ZNF33B: variants seen among roughly 807,000 people sequenced by gnomAD.
ZNF33B encodes the protein zinc finger protein 33B, also known as zinc finger protein 11b (KOX 2).
In ZNF33B, 29 loss-of-function variants were observed where a neutral mutation model predicts 45.8. The ratio of observed to expected loss-of-function variants is 0.63; its 90% CI spans 0.47 to 0.86. The LOEUF (loss-of-function observed/expected upper bound fraction) is 0.86. Among genes scored for constraint, ZNF33B ranks in the 40% least tolerant of loss-of-function variants. The pLI is 0.00. For missense variants in ZNF33B, 831 were observed against 909.9 expected, an observed-to-expected ratio of 0.91 and a Z score of 1.12; for synonymous variants, 305 against 307.8, an observed-to-expected ratio of 0.99 and a Z score of 0.10.
At chr10:42,636,843 CA>C (rs1222422938) in intron 2 of ZNF33B, 76 bp downstream of exon 2, 6 of 1,603,336 alleles carry the variant, frequency 3.7e-6, no homozygotes, top group Admixed American at 1.7e-5. Context: ...CAAAACAAAA[CA>C]AAAAAACCAT....
intron 4 of ZNF33B, among the ~76,000 whole-genome samples, chr10:42,613,181 A>T (rs2132101502): frequency 6.6e-6 from 1 of 152,334 alleles, no homozygotes; most frequent in East Asian, 1.9e-4. Context: ...AAAATTATAA[A>T]ATTATTTTCC....
chr10:42,602,425 G>T (rs1427335959), intron 4 of ZNF33B, among the ~76,000 whole-genome samples: 1 of 151,942 alleles, frequency 6.6e-6, no homozygotes, highest in Middle Eastern at 3.4e-3. Context: ...TGGCAATTCT[G>T]AGTCCATTTC....
At chr10:42,582,956 G>A (rs911048908) in intron 1 of ZNF33B, 1 of 599,552 alleles carries the variant, frequency 1.7e-6, no homozygotes, top group South Asian at 1.8e-5. Context: ...CAGCACGCCA[G>A]TGTTGGAGAT....
intron 4 of ZNF33B, among the ~76,000 whole-genome samples, chr10:42,625,269 TAATTTTCAGCACAAAG>T (rs1291143301): frequency 5.9e-5 from 9 of 152,134 alleles, no homozygotes; most frequent in African/African-American, 2.2e-4. Flanking sequence ...CAGAATTTTG[TAATTTTCAGCACAAAG>T]GTCCTATACA....
At chr10:42,622,207 A>G (rs1838622011) in intron 4 of ZNF33B, among the ~76,000 whole-genome samples, 1 of 152,244 alleles carries the variant, frequency 6.6e-6, no homozygotes, top group Admixed American at 6.5e-5. Context: ...TAAAGGAAAC[A>G]GTATCTCATG....
chr10:42,627,615 T>C (rs1243237687), intron 4 of ZNF33B, among the ~76,000 whole-genome samples: 3 of 152,324 alleles, frequency 2.0e-5, no homozygotes, highest in East Asian at 1.9e-4. Context: ...AGAAAGTCAA[T>C]TATGGGTTTG....
At chr10:42,611,323 G>A (rs570404147) in intron 4 of ZNF33B, among the ~76,000 whole-genome samples, 46 of 151,906 alleles carry the variant, frequency 3.0e-4, no homozygotes, top group African/African-American at 1.9e-4. Context: ...CCTGGGTGAC[G>A]GAGTGAGACT....
At chr10:42,596,417 T>C (rs1300635787) in intron 4 of ZNF33B, among the ~76,000 whole-genome samples, 1 of 152,168 alleles carries the variant, frequency 6.6e-6, no homozygotes, top group Non-Finnish European at 1.5e-5. Context: ...CTTTTATTTT[T>C]CAAAGTTTTA....
At position 42,591,111 on chromosome 10, in the gene ZNF33B, C is replaced by A. The variant is rs1340811261; in HGVS notation, c.*1502G>T. 3.4e-6 allele frequency: 1 copy of A among 290,650 alleles called. No homozygotes were observed. Among genetic ancestry groups the A allele is most frequent in the Non-Finnish European group, 5.1e-6 (1 of 194,916 alleles). The allele number at this position is 290,650 out of a possible 1,614,324, so 18.0% of individuals were successfully genotyped here. A position where few individuals can be genotyped will look rare whatever the true frequency, so the allele number is the denominator to read the frequency against. On this transcript the variant is annotated 3_prime_UTR_variant, in exon 5 of 5. Transcript: ENST00000359467. ...AAGCCCCATGCCAGCTTGATTCTGG[C>A]TCTTCTCCAGCCTCAACCCTCCTCT...
chr10:42,610,357 G>T lies in ZNF33B; in HGVS notation c.251-15658C>A, dbSNP rs556665184. Among the ~76,000 whole-genome samples, 98 of 152,262 alleles carry T rather than the reference G, an allele frequency of 6.4e-4. 2 individuals are homozygous for T. In the South Asian group the frequency reaches 0.02, roughly 31 times the overall value. ...TTGAGACCAGCCCGGCCAACATGGTGAAACCCTGTCTCTACTAAAAATACA... is the reference window on the plus strand; with the variant it reads ...TTGAGACCAGCCCGGCCAACATGGTTAAACCCTGTCTCTACTAAAAATACA... On this transcript the variant is annotated intron_variant, in intron 4 of 4. Coordinates refer to ENST00000359467, the MANE Select transcript of ZNF33B (RefSeq NM_006955.3).
At chr10:42,620,049 C>A (rs1378490704) in intron 4 of ZNF33B, among the ~76,000 whole-genome samples, 1 of 151,932 alleles carries the variant, frequency 6.6e-6, no homozygotes, top group African/African-American at 2.4e-5. Flanking sequence ...AACACCATCT[C>A]TACTAAAGAC....
chr10:42,575,546 A>G (rs1242905323), intron 1 of ZNF33B, among the ~76,000 whole-genome samples: 1 of 151,948 alleles, frequency 6.6e-6, no homozygotes, highest in African/African-American at 2.4e-5. Context: ...ATATACCTCT[A>G]TTTTGAATTT....
chr10:42,631,237 G>A (rs1213940868), intron 4 of ZNF33B, among the ~76,000 whole-genome samples: 4 of 151,126 alleles, frequency 2.6e-5, no homozygotes, highest in Admixed American at 6.6e-5. Flanking sequence ...ACAGAGTCTC[G>A]CTCTGTCGCC....
chr10:42,633,468 A>G (rs1484272597), intron 2 of ZNF33B, among the ~76,000 whole-genome samples: 1 of 152,248 alleles, frequency 6.6e-6, no homozygotes, highest in African/African-American at 2.4e-5. Context: ...AAACTACTGT[A>G]GAAGAAACCA....
At chr10:42,595,112 T>G (rs564659579) in intron 4 of ZNF33B, among the ~76,000 whole-genome samples, 1 of 152,264 alleles carries the variant, frequency 6.6e-6, no homozygotes, top group Non-Finnish European at 1.5e-5. Context: ...TATTACTCAT[T>G]TCAAATCACC....
chr10:42,621,247 A>C (rs1291691279), intron 4 of ZNF33B, among the ~76,000 whole-genome samples: 2 of 151,794 alleles, frequency 1.3e-5, no homozygotes, highest in Non-Finnish European at 2.9e-5. Context: ...GGGGAGGATC[A>C]CTTGAGCCTG....
intron 4 of ZNF33B, among the ~76,000 whole-genome samples, chr10:42,628,433 G>A (rs1390967936): frequency 2.0e-5 from 3 of 152,296 alleles, no homozygotes; most frequent in Admixed American, 1.3e-4. Context: ...TAAGAGGGAA[G>A]TGATGAATTT....
chr10:42,585,855 G>C (rs537121758), downstream of ZNF33B, among the ~76,000 whole-genome samples: 2 of 152,284 alleles, frequency 1.3e-5, no homozygotes, highest in Admixed American at 1.3e-4. Flanking sequence ...GGATTACCAA[G>C]CTATGTCTGC....
intron 4 of ZNF33B, among the ~76,000 whole-genome samples, chr10:42,600,887 G>C (rs1589034058): frequency 6.6e-6 from 1 of 151,702 alleles, no homozygotes; most frequent in Non-Finnish European, 1.5e-5. Context: ...AAAATATCTT[G>C]TATACATATC....
Sources: allele counts gnomAD v4.1 joint callset (sites outside exome capture counted in the v4.1 genomes callset), GRCh38; gene constraint gnomAD v4.1.1; transcripts MANE v1.5; gene names NCBI Gene and HGNC (gene_info 2026-07-23, HGNC 2026-07-21).